Variants in RRM1 observed in about 807,000 individuals in gnomAD.
RRM1 encodes ribonucleoside-diphosphate reductase large subunit.
RRM1 carries 19 observed loss-of-function variants against 101.5 expected under a neutral mutation model. The ratio of observed to expected loss-of-function variants is 0.19; its 90% confidence interval spans 0.13 to 0.27. RRM1 has a LOEUF of 0.27. Among genes scored for constraint, RRM1 ranks in the 10% least tolerant of loss-of-function variants. The pLI, the probability that RRM1 is intolerant of heterozygous loss-of-function variation, is 1.00. For synonymous variants in RRM1, 298 were observed against 323.4 expected, an observed-to-expected ratio of 0.92 and a Z score of 0.84; for missense variants, 500 against 962.9, an observed-to-expected ratio of 0.52 and a Z score of 6.36.
At chr11:4,107,051 G>A (rs1257876153) in intron 3 of RRM1, among the ~76,000 whole-genome samples, 4 of 151,908 alleles carry the variant, frequency 2.6e-5, no homozygotes, top group Non-Finnish European at 5.9e-5. Context: ...CCATCACCAC[G>A]CCCGGCTAAT....
In RRM1 at chr11:4,111,942, G is replaced by C. The variant is rs1273675631; in HGVS notation, c.530G>C (p.Gly177Ala). The change falls in exon 7 of 19, where the codon GGG (glycine) becomes GCG (alanine). Residue 177 changes from glycine to alanine, a missense_variant. By Grantham distance (60) the Gly-to-Ala change is moderately conservative. Transcript: ENST00000300738. Reference protein sequence around the residue: ...PQHMLMRVSVGIHKEDIDAAI... With the variant: ...PQHMLMRVSVAIHKEDIDAAI... ...CATATGTTGATGAGAGTATCTGTTGGGATCCACAAAGAAGACATTGATGCA... is the reference window on the plus strand; with the variant it reads ...CATATGTTGATGAGAGTATCTGTTGCGATCCACAAAGAAGACATTGATGCA... 6.2e-7 allele frequency: 1 copy of C among 1,613,888 alleles called. No individual in the cohort carries two copies. Among genetic ancestry groups the C allele is most frequent in the East Asian group, 2.2e-5 (1 of 44,892 alleles).
At chr11:4,112,209 G>A in intron 7 of RRM1, 147 bp downstream of exon 7, 2 of 610,380 alleles carry the variant, frequency 3.3e-6, no homozygotes, top group East Asian at 2.8e-5. Flanking sequence ...TGACTGTAAT[G>A]TGGTAAATGA....
At chr11:4,130,374 G>A (rs947552261) in intron 15 of RRM1, among the ~76,000 whole-genome samples, 1 of 151,680 alleles carries the variant, frequency 6.6e-6, no homozygotes, top group East Asian at 1.9e-4. Context: ...ACACATACAC[G>A]GTTTTGTCAT....
In RRM1 at chr11:4,127,039, G is replaced by T; in HGVS notation, c.1475G>T (p.Cys492Phe). The change falls in exon 14 of 19, where the codon TGC becomes TTC. Residue 492 changes from cysteine to phenylalanine, a missense_variant. Physicochemically the swap from Cys to Phe is radical, Grantham distance 205. Transcript: ENST00000300738. Reference sequence around the variant, plus strand: ...TTAAAATCTGTTGACACAAAGGCATGCCTATCAAATAAACGCCATCGCCCC... The same window carrying T: ...TTAAAATCTGTTGACACAAAGGCATTCCTATCAAATAAACGCCATCGCCCC... ...DINYYPVPEACLSNKRHRPIG... is the reference protein window; with the variant it reads ...DINYYPVPEAFLSNKRHRPIG... The T allele has an allele frequency of 6.2e-7, 1 of 1,605,708 alleles. No individual in the cohort carries two copies. The highest frequency in any genetic ancestry group is 1.1e-5 in the South Asian group (1 of 89,258).
In RRM1 at chr11:4,127,266, T is replaced by TGG. The variant is rs2094591339; in HGVS notation, c.1692+11_1692+12dup. 6.5e-7 allele frequency: 1 copy of TGG among 1,541,410 alleles called. No homozygotes were observed. Among genetic ancestry groups the TGG allele is most frequent in the African/African-American group, 1.4e-5 (1 of 72,424 alleles). On this transcript the variant is annotated intron_variant, in intron 14 of 18. Transcript: ENST00000300738. ...TCCAGTTAGCAAAGGAGTAAGTATA[T>TGG]GGATGGAATTGTTTTTGCCTGTGAG...
Position 4,132,453 on chromosome 11 carries a change from A to T in RRM1, c.1905+32A>T, listed in dbSNP as rs2094602051. ...AGTTCACAACCAGCCTTACAGGGAGATCTTTCAAAAGCCTGATGTTGGGAG... is the reference window on the plus strand; with the variant it reads ...AGTTCACAACCAGCCTTACAGGGAGTTCTTTCAAAAGCCTGATGTTGGGAG... On this transcript the variant is annotated intron_variant, in intron 16 of 18. Coordinates refer to ENST00000300738, the MANE Select transcript of RRM1 (RefSeq NM_001033.5). This position sits in a 1 kb window ranked among gnomAD's most constrained non-coding sequence, Gnocchi z 4.1. 6.2e-7 allele frequency: 1 copy of T among 1,610,262 alleles called. No individual in the cohort carries two copies. The highest frequency in any genetic ancestry group is 1.3e-5 in the African/African-American group (1 of 74,864).
chr11:4,106,486 G>T (rs1282125729), intron 3 of RRM1, among the ~76,000 whole-genome samples: 1 of 152,110 alleles, frequency 6.6e-6, no homozygotes, highest in Non-Finnish European at 1.5e-5. Flanking sequence ...AGTGGCTCAC[G>T]CCTGTAATCC....
At chr11:4,116,165 T>G (rs1379067842) in intron 7 of RRM1, 1 of 152,178 alleles carries the variant, frequency 6.6e-6, no homozygotes, top group Non-Finnish European at 1.5e-5. Flanking sequence ...TCGGTTGAGT[T>G]TCACGCTTCT....
At position 4,095,037 on chromosome 11, in the gene RRM1, G is replaced by C. The variant is rs373050099; in HGVS notation, c.19+6G>C. The C allele has an allele frequency of 5.7e-4, 898 of 1,569,038 alleles. No individual in the cohort carries two copies. The highest frequency in any genetic ancestry group is 7.2e-4 in the Non-Finnish European group (829 of 1,157,258). On this transcript the variant is annotated splice_donor_region_variant and intron_variant, in intron 1 of 18. Transcript: ENST00000300738. ...GATGCATGTGATCAAGCGAGGTGAG[G>C]GGGGGACGAGGTGGGCGAGAAGGAA... is the stretch of plus-strand genomic sequence containing the variant.
chr11:4,126,345 C>G (rs1434462906), intron 12 of RRM1, among the ~76,000 whole-genome samples: 1 of 152,172 alleles, frequency 6.6e-6, no homozygotes, highest in African/African-American at 2.4e-5. Flanking sequence ...TTGCAGGGCA[C>G]TCATCTACTG....
intron 12 of RRM1, 88 bp downstream of exon 12, chr11:4,123,472 A>G (rs535448802): frequency 1.2e-5 from 13 of 1,059,288 alleles, no homozygotes; most frequent in East Asian, 4.9e-5. Flanking sequence ...TTCACTTGAG[A>G]TAAGTGAAGG....
At chr11:4,116,966 C>CAAAAA (rs143763284) in intron 7 of RRM1, among the ~76,000 whole-genome samples, 1 of 129,414 alleles carries the variant, frequency 7.7e-6, no homozygotes. Context: ...AACCCTGTCT[C>CAAAAA]AAAAAAAAAG....
intron 17 of RRM1, among the ~76,000 whole-genome samples, chr11:4,134,022 G>C (rs888385060): frequency 8.9e-6 from 1 of 112,170 alleles, no homozygotes; most frequent in Admixed American, 1.3e-4. Flanking sequence ...AGTCTCTGTC[G>C]CCCAGGCTGG....
intron 18 of RRM1, 134 bp downstream of exon 18, chr11:4,135,404 C>A (rs1199824042): frequency 1.6e-6 from 1 of 636,674 alleles, no homozygotes; most frequent in Non-Finnish European, 2.5e-6. Flanking sequence ...AACGTTAAAA[C>A]CAACCCATGG....
In RRM1 at chr11:4,108,597, C is replaced by CAA. The variant is rs754848612; in HGVS notation, c.388-1027_388-1026dup. On this transcript the variant is annotated intron_variant, in intron 4 of 18. Transcript: ENST00000300738. ...TGGGCAACAGAGTGAGACTCAGTCTCAAAAAAAAAAAAAAAAAAAAAGAAT... is the reference window on the plus strand; with the variant it reads ...TGGGCAACAGAGTGAGACTCAGTCTCAAAAAAAAAAAAAAAAAAAAAAAGAAT... Among the ~76,000 whole-genome samples, 429 of 72,898 alleles carry CAA rather than the reference C, an allele frequency of 5.9e-3. 21 individuals are homozygous for CAA. Among genetic ancestry groups the CAA allele is most frequent in the African/African-American group, 0.022 (365 of 16,506 alleles). 47.8% of individuals were successfully genotyped at this position (72,898 alleles called of 152,430 possible).
intron 7 of RRM1, among the ~76,000 whole-genome samples, chr11:4,112,515 C>T (rs575906750): frequency 1.3e-5 from 2 of 152,238 alleles, no homozygotes; most frequent in African/African-American, 4.8e-5. Context: ...AGGTGCCCGC[C>T]ACCACACCCA....
At chr11:4,110,921 T>C (rs147124894) in intron 5 of RRM1, among the ~76,000 whole-genome samples, 1,858 of 151,852 alleles carry the variant, frequency 0.012, 31 homozygotes, top group African/African-American at 0.038. Context: ...GTGTAACGAG[T>C]GTATATGTTG....
chr11:4,094,742 A>G, upstream of RRM1: 3 of 566,276 alleles, frequency 5.3e-6, no homozygotes, highest in Admixed American at 9.1e-5. Flanking sequence ...CAGTCTGTGA[A>G]GCCTACCCCG....
intron 3 of RRM1, among the ~76,000 whole-genome samples, chr11:4,106,651 G>A (rs889282743): frequency 4.6e-5 from 7 of 152,208 alleles, no homozygotes; most frequent in African/African-American, 1.7e-4. Context: ...GGGAGGCTGA[G>A]GCAGGAGAAT....
Sources: allele counts gnomAD v4.1 joint callset (sites outside exome capture counted in the v4.1 genomes callset), GRCh38; gene constraint gnomAD v4.1.1; non-coding constraint Gnocchi (gnomAD v3.1); transcripts MANE v1.5; gene names NCBI Gene and HGNC (gene_info 2026-07-23, HGNC 2026-07-21).